SLC22A15: variants seen among roughly 807,000 people sequenced by gnomAD.
The protein encoded by SLC22A15 is flipt 1.
In SLC22A15, 45 loss-of-function variants were observed where a neutral mutation model predicts 62.7. That is an observed-to-expected ratio of 0.72 (90% CI 0.56 to 0.92). The LOEUF (loss-of-function observed/expected upper bound fraction) is 0.92. Among genes scored for constraint, SLC22A15 ranks in the 40% least tolerant of loss-of-function variants. SLC22A15 has a pLI of 0.00. For missense variants in SLC22A15, 622 were observed against 665.6 expected (o/e 0.93, Z 0.72); for synonymous variants, 264 against 267.0 (o/e 0.99, Z 0.11).
At chr1:116,063,361 G>C (rs1001755462) in intron 9 of SLC22A15, among the ~76,000 whole-genome samples, 10 of 152,100 alleles carry the variant, frequency 6.6e-5, no homozygotes, top group Non-Finnish European at 2.9e-5. Flanking sequence ...TTAATGAATA[G>C]GATATGTTTA....
chr1:116,050,090 T>A (rs531412465), intron 8 of SLC22A15, among the ~76,000 whole-genome samples: 93 of 152,050 alleles, frequency 6.1e-4, no homozygotes, highest in African/African-American at 2.2e-3. Context: ...AGCAACGAGA[T>A]TGAAATGGTA....
intron 7 of SLC22A15, among the ~76,000 whole-genome samples, chr1:116,036,106 C>A (rs542693418): frequency 1.3e-5 from 2 of 152,254 alleles, no homozygotes; most frequent in South Asian, 4.1e-4. Context: ...GAAGGCTTGT[C>A]TCCCAGGGAG....
chr1:115,994,829 A>G (rs76723582), intron 2 of SLC22A15, among the ~76,000 whole-genome samples: 2,739 of 152,330 alleles, frequency 0.018, 36 homozygotes, highest in Middle Eastern at 0.065. Flanking sequence ...TTTAAACTAT[A>G]CCTAGTTGTA....
chr1:116,056,085 A>G (rs774859825), intron 8 of SLC22A15, among the ~76,000 whole-genome samples: 3,561 of 141,790 alleles, frequency 0.025, 47 homozygotes, highest in African/African-American at 0.043. Context: ...GAAATAAAGG[A>G]TATTCAATTA....
At chr1:116,021,892 C>T (rs971781319) in intron 4 of SLC22A15, among the ~76,000 whole-genome samples, 1 of 152,234 alleles carries the variant, frequency 6.6e-6, no homozygotes, top group Non-Finnish European at 1.5e-5. Context: ...TCATCTTCCA[C>T]TGTTCCCCAA....
At chr1:115,988,696 T>G (rs1655002934) in intron 1 of SLC22A15, among the ~76,000 whole-genome samples, 1 of 151,710 alleles carries the variant, frequency 6.6e-6, no homozygotes, top group South Asian at 2.1e-4. Context: ...AATTTTTTTT[T>G]TTTTTTTTGT....
intron 6 of SLC22A15, among the ~76,000 whole-genome samples, chr1:116,033,557 C>CTGTGTGTG: frequency 6.7e-6 from 1 of 149,556 alleles, no homozygotes; most frequent in African/African-American, 2.5e-5. Flanking sequence ...AGGGGTGTCT[C>CTGTGTGTG]TGTGTGTGTG....
intron 1 of SLC22A15, 78 bp from the exon 2 acceptor site, chr1:115,991,953 G>A: frequency 8.1e-7 from 1 of 1,238,394 alleles, no homozygotes; most frequent in Admixed American, 1.9e-5. Flanking sequence ...ATCTTTCAAG[G>A]TTTGCAAGCC....
At chr1:115,984,653 G>T (rs1209584272) in intron 1 of SLC22A15, among the ~76,000 whole-genome samples, 3 of 152,152 alleles carry the variant, frequency 2.0e-5, no homozygotes, top group East Asian at 3.9e-4. Flanking sequence ...GCCTCAGGCA[G>T]ATTCTTCGGG....
At chr1:116,037,572 T>G in intron 8 of SLC22A15, 184 bp downstream of exon 8, 1 of 547,868 alleles carries the variant, frequency 1.8e-6, no homozygotes, top group South Asian at 2.4e-5. Context: ...GTGAATAATG[T>G]GTGTAGAGGT....
chr1:116,026,365 G>A (rs778769528), intron 4 of SLC22A15, among the ~76,000 whole-genome samples: 1 of 151,986 alleles, frequency 6.6e-6, no homozygotes, highest in Non-Finnish European at 1.5e-5. Context: ...GGTGGAGGTT[G>A]TAATGAGCCA....
intron 4 of SLC22A15, among the ~76,000 whole-genome samples, chr1:116,026,132 G>A (rs551167256): frequency 6.6e-6 from 1 of 152,186 alleles, no homozygotes; most frequent in South Asian, 2.1e-4. Flanking sequence ...AAGAAACTTC[G>A]GCTGGGCAAG....
At chr1:116,041,309 C>T (rs1266110466) in intron 8 of SLC22A15, among the ~76,000 whole-genome samples, 1 of 152,152 alleles carries the variant, frequency 6.6e-6, no homozygotes, top group East Asian at 1.9e-4. Flanking sequence ...AAAGAATTTA[C>T]AATCTAATGA....
chr1:115,993,481 A>C (rs907910029), intron 2 of SLC22A15, among the ~76,000 whole-genome samples: 6 of 150,568 alleles, frequency 4.0e-5, no homozygotes, highest in Admixed American at 2.0e-4. Context: ...CTGTCTGTAT[A>C]TATGTCTGCA....
At chr1:116,040,029 C>A (rs1657738188) in intron 8 of SLC22A15, among the ~76,000 whole-genome samples, 2 of 152,190 alleles carry the variant, frequency 1.3e-5, no homozygotes, top group Non-Finnish European at 2.9e-5. Context: ...ACCAAACATG[C>A]CTTCAGTCTT....
intron 2 of SLC22A15, among the ~76,000 whole-genome samples, chr1:116,002,888 C>T (rs915725097): frequency 6.6e-5 from 10 of 151,410 alleles, no homozygotes; most frequent in Non-Finnish European, 1.0e-4. Flanking sequence ...TTTACTCTTC[C>T]CTCTCCTTTC....
chr1:115,984,775 GTATTGATCCTGACTCTGT>G (rs1654774854), intron 1 of SLC22A15, among the ~76,000 whole-genome samples: 1 of 152,104 alleles, frequency 6.6e-6, no homozygotes, highest in Non-Finnish European at 1.5e-5. Context: ...AGAGACAGTG[GTATTGATCCTGACTCTGT>G]GTAGGTCTAG....
chr1:115,998,078 T>A (rs1387271711), intron 2 of SLC22A15, among the ~76,000 whole-genome samples: 1 of 152,230 alleles, frequency 6.6e-6, no homozygotes, highest in Non-Finnish European at 1.5e-5. Flanking sequence ...GTTGATATGA[T>A]GTATCACATC....
intron 2 of SLC22A15, among the ~76,000 whole-genome samples, chr1:116,010,885 A>G (rs1656215503): frequency 6.6e-6 from 1 of 152,226 alleles, no homozygotes; most frequent in Non-Finnish European, 1.5e-5. Flanking sequence ...TCATCAAAGC[A>G]TGACCTCCAG....
Sources: gnomAD v4.1 joint callset for allele counts (sites outside exome capture counted in the v4.1 genomes callset) on GRCh38, gnomAD v4.1.1 for gene constraint, MANE v1.5 for transcripts, NCBI Gene and HGNC (gene_info 2026-07-23, HGNC 2026-07-21) for gene names.